Variants in NRG3 observed in about 807,000 individuals in gnomAD.
NRG3 encodes the protein pro-neuregulin-3, membrane-bound isoform.
A neutral mutation model predicts 66.9 loss-of-function variants in NRG3; 31 were observed. The ratio of observed to expected loss-of-function variants is 0.46; its 90% CI spans 0.35 to 0.63. The LOEUF (loss-of-function observed/expected upper bound fraction) is 0.63. Ranked by LOEUF, NRG3 falls within the 20% of genes least tolerant of loss-of-function variation. The probability of loss-of-function intolerance (pLI) is 0.00; values close to 1 mark genes in which losing one functional copy is unlikely to be tolerated. For synonymous variants in NRG3, 393 were observed against 359.4 expected (o/e 1.09, Z -1.06); for missense variants, 910 against 878.9 (o/e 1.04, Z -0.45).
At chr10:82,618,846 T>C (rs748585390) in intron 2 of NRG3, among the ~76,000 whole-genome samples, 1 of 152,080 alleles carries the variant, frequency 6.6e-6, no homozygotes, top group Non-Finnish European at 1.5e-5. Flanking sequence ...ATGCAAATTT[T>C]GCACCCTTTT....
chr10:81,938,832 C>T (rs1422069272), intron 1 of NRG3, among the ~76,000 whole-genome samples: 2 of 151,926 alleles, frequency 1.3e-5, no homozygotes, highest in Non-Finnish European at 2.9e-5. Flanking sequence ...TCCTTGCCTT[C>T]TTCCTGATCA....
intron 2 of NRG3, among the ~76,000 whole-genome samples, chr10:82,720,515 C>G (rs2057231591): frequency 2.6e-5 from 4 of 151,968 alleles, no homozygotes. Flanking sequence ...ATGTTGAAAT[C>G]AAATCTAAGC....
Position 81,977,432 on chromosome 10 carries a change from G to C in NRG3, c.823+101269G>C, listed in dbSNP as rs533164734. 3.7e-4 allele frequency among the ~76,000 whole-genome samples: 57 copies of C among 152,178 alleles called. 1 individual carries two copies. The highest frequency in any genetic ancestry group is 6.9e-4 in the Non-Finnish European group (47 of 67,984). On this transcript the variant is annotated intron_variant, in intron 1 of 8. Transcript: ENST00000372141. Reference sequence around the variant, plus strand: ...TTGACAAACTCAAGCAATGTATTTCGTATTTATTATTTTATAGGCTTAAAG... The same window carrying C: ...TTGACAAACTCAAGCAATGTATTTCCTATTTATTATTTTATAGGCTTAAAG...
intron 3 of NRG3, among the ~76,000 whole-genome samples, chr10:82,748,096 C>A (rs1490063030): frequency 2.6e-5 from 4 of 151,216 alleles, no homozygotes; most frequent in African/African-American, 9.7e-5. Flanking sequence ...TGTCTGTGGA[C>A]TTTCTACTCT....
chr10:82,978,235 G>A (rs1005930416), intron 7 of NRG3, among the ~76,000 whole-genome samples: 1 of 152,150 alleles, frequency 6.6e-6, no homozygotes, highest in Non-Finnish European at 1.5e-5. Context: ...CATAATCTAT[G>A]TAGGAATTCT....
intron 2 of NRG3, among the ~76,000 whole-genome samples, chr10:82,450,747 ATCAAGT>A (rs944456088): frequency 2.0e-5 from 3 of 152,212 alleles, no homozygotes; most frequent in African/African-American, 7.2e-5. Flanking sequence ...AAAATCATTT[ATCAAGT>A]TCAACACTGA....
intron 2 of NRG3, among the ~76,000 whole-genome samples, chr10:82,449,073 G>A (rs950530721): frequency 1.3e-5 from 2 of 152,116 alleles, no homozygotes; most frequent in South Asian, 2.1e-4. Context: ...CAGCCATCAG[G>A]CCCTTTATTC....
At chr10:82,187,601 T>A (rs1441998823) in intron 1 of NRG3, among the ~76,000 whole-genome samples, 1 of 151,864 alleles carries the variant, frequency 6.6e-6, no homozygotes, top group Non-Finnish European at 1.5e-5. Flanking sequence ...GATACTGTGA[T>A]TTTTTTTGCG....
rs571948150 is a variant in NRG3 at position 82,960,372 on chromosome 10, G to A, written c.1284+1297G>A. On this transcript the variant is annotated intron_variant, in intron 6 of 8. Coordinates refer to ENST00000372141, the MANE Select transcript of NRG3 (RefSeq NM_001010848.4). Reference sequence around the variant, plus strand: ...GTTATGTCAAAGATAAACAAAGCCAGACACTAGTTAAAGTGATGAGGATAG... The same window carrying A: ...GTTATGTCAAAGATAAACAAAGCCAAACACTAGTTAAAGTGATGAGGATAG... 1.6e-4 allele frequency among the ~76,000 whole-genome samples: 25 copies of A among 151,988 alleles called. No homozygotes were observed. In the South Asian group the frequency reaches 5.0e-3, roughly 30 times the overall value.
chr10:82,061,468 G>C (rs1172077203), intron 1 of NRG3, among the ~76,000 whole-genome samples: 1 of 152,192 alleles, frequency 6.6e-6, no homozygotes, highest in African/African-American at 2.4e-5. Flanking sequence ...CAGGTCTGCA[G>C]AATTTAAAAC....
At chr10:82,427,233 A>T (rs1366973083) in intron 2 of NRG3, among the ~76,000 whole-genome samples, 1 of 152,214 alleles carries the variant, frequency 6.6e-6, no homozygotes, top group African/African-American at 2.4e-5. Flanking sequence ...GAATATAAGA[A>T]GCAAGAACAG....
chr10:81,957,120 T>C (rs569485749), intron 1 of NRG3, among the ~76,000 whole-genome samples: 3 of 152,252 alleles, frequency 2.0e-5, no homozygotes, highest in Middle Eastern at 3.4e-3. Flanking sequence ...ACTCTCTGGA[T>C]GCCAAGGACT....
intron 3 of NRG3, among the ~76,000 whole-genome samples, chr10:82,844,035 T>A (rs114583851): frequency 0.016 from 2,450 of 152,164 alleles, 58 homozygotes; most frequent in African/African-American, 0.052. Flanking sequence ...TATATAAATA[T>A]ATATAAGAAC....
At chr10:82,923,161 G>A (rs1194261232) in intron 4 of NRG3, among the ~76,000 whole-genome samples, 1 of 152,168 alleles carries the variant, frequency 6.6e-6, no homozygotes. Context: ...CATGCCCATT[G>A]TATGACTCCT....
chr10:82,532,547 G>GTATATGTATATAGTACTATATATGTA lies in NRG3; in HGVS notation c.953+173728_953+173753dup, dbSNP rs1262966318. ...GTACTATACATATAGTACTATATAT[G>GTATATGTATATAGTACTATATATGTA]TATATGTATATAGTACTATATATGT... On this transcript the variant is annotated intron_variant, in intron 2 of 8. Coordinates refer to ENST00000372141, the MANE Select transcript of NRG3 (RefSeq NM_001010848.4). 5.4e-4 allele frequency among the ~76,000 whole-genome samples: 78 copies of GTATATGTATATAGTACTATATATGTA among 145,090 alleles called. 1 individual carries two copies. The South Asian group carries it at 8.3e-3, about 16-fold the overall frequency.
At chr10:82,296,474 A>G (rs2080070066) in intron 1 of NRG3, among the ~76,000 whole-genome samples, 1 of 152,140 alleles carries the variant, frequency 6.6e-6, no homozygotes, top group African/African-American at 2.4e-5. Context: ...AAAGCAGGTG[A>G]CACGAGTTTT....
intron 2 of NRG3, among the ~76,000 whole-genome samples, chr10:82,587,720 A>G (rs189524428): frequency 1.7e-3 from 261 of 152,312 alleles, no homozygotes; most frequent in African/African-American, 6.1e-3. Context: ...ATCAGAGAGC[A>G]CAGGGGTTCT....
intron 2 of NRG3, among the ~76,000 whole-genome samples, chr10:82,542,170 G>A (rs2043589752): frequency 6.6e-6 from 1 of 152,060 alleles, no homozygotes; most frequent in African/African-American, 2.4e-5. Context: ...GAGAACATGT[G>A]GTGTTTGGTG....
chr10:81,930,412 A>C (rs1394620968), intron 1 of NRG3, among the ~76,000 whole-genome samples: 1 of 152,130 alleles, frequency 6.6e-6, no homozygotes, highest in East Asian at 1.9e-4. Flanking sequence ...ACTCAGGAGC[A>C]GCTGAATGAA....
Sources: allele counts gnomAD v4.1 joint callset (sites outside exome capture counted in the v4.1 genomes callset), GRCh38; gene constraint gnomAD v4.1.1; transcripts MANE v1.5; gene names NCBI Gene and HGNC (gene_info 2026-07-23, HGNC 2026-07-21).